SH3RF2: variants seen among roughly 807,000 people sequenced by gnomAD.
The protein encoded by SH3RF2 is E3 ubiquitin-protein ligase SH3RF2.
Under a neutral mutation model 59.0 loss-of-function variants are expected in SH3RF2, and 43 were observed. That is an observed-to-expected ratio of 0.73 (90% CI 0.57 to 0.94). The LOEUF is 0.94. Among genes scored for constraint, SH3RF2 ranks in the 40% least tolerant of loss-of-function variants. The pLI is 0.00. For missense variants in SH3RF2, 930 were observed against 940.1 expected, an observed-to-expected ratio of 0.99 and a Z score of 0.14; for synonymous variants, 391 against 391.5, an observed-to-expected ratio of 1.00 and a Z score of 0.01.
rs149337508 is a variant in SH3RF2 at position 146,060,071 on chromosome 5, G to C, written c.1761G>C (p.Arg587Ser). The stretch of plus-strand genomic sequence containing the variant: ...AGCCCGCCCTCACGTGCATCAGCAG[G>C]GGCAGTGAGGCCTGGATCCACTCCG... ...TGEPALTCIS[R>S]GSEAWIHSAA... Residue 587 changes from arginine to serine, a missense_variant, in exon 9 of 10, where the codon AGG becomes AGC. Physicochemically the swap from Arg to Ser is moderately radical, Grantham distance 110 (BLOSUM62 -1). Transcript: ENST00000359120. 131 of 1,613,808 alleles carry C rather than the reference G, an allele frequency of 8.1e-5. No individual in the cohort carries two copies. The African/African-American group carries it at 1.4e-3, about 17-fold the overall frequency.
intron 2 of SH3RF2, among the ~76,000 whole-genome samples, chr5:145,988,245 C>T (rs1759791957): frequency 6.6e-6 from 1 of 151,680 alleles, no homozygotes; most frequent in Admixed American, 6.6e-5. Flanking sequence ...TCTCCAGCCC[C>T]TCCAGAGGTC....
chr5:145,997,408 A>G, intron 2 of SH3RF2: 1 of 1,297,298 alleles, frequency 7.7e-7, no homozygotes, highest in Non-Finnish European at 1.1e-6. Flanking sequence ...GCTTCCATCT[A>G]CACTGCAACT....
At chr5:145,947,454 G>A (rs577307457) in intron 2 of SH3RF2, among the ~76,000 whole-genome samples, 2 of 152,300 alleles carry the variant, frequency 1.3e-5, no homozygotes, top group South Asian at 2.1e-4. Flanking sequence ...AGGATTTAAT[G>A]AGATGATGCC....
chr5:145,994,339 G>C (rs532100018), intron 2 of SH3RF2, among the ~76,000 whole-genome samples: 1 of 152,252 alleles, frequency 6.6e-6, no homozygotes, highest in South Asian at 2.1e-4. Flanking sequence ...CTGTTACCCA[G>C]TTCCAAAGCT....
rs147654773 is a variant in SH3RF2, at chr5:146,057,177, T to G, written c.1555+964T>G. ...TTGGTCAATACAGAAGAGTAACGTGTGGGACAATATGCCCCTTTTTAAGGA... is the reference window on the plus strand; with the variant it reads ...TTGGTCAATACAGAAGAGTAACGTGGGGGACAATATGCCCCTTTTTAAGGA... On this transcript the variant is annotated intron_variant, in intron 8 of 9. Transcript: ENST00000359120. Among the ~76,000 whole-genome samples, 217 of 152,348 alleles carry G rather than the reference T, an allele frequency of 1.4e-3. 1 individual carries two copies. Among genetic ancestry groups the G allele is most frequent in the African/African-American group, 4.9e-3 (202 of 41,580 alleles).
chr5:145,957,608 G>C (rs1758464724), intron 2 of SH3RF2, among the ~76,000 whole-genome samples: 2 of 152,086 alleles, frequency 1.3e-5, no homozygotes, highest in Non-Finnish European at 2.9e-5. Flanking sequence ...GGCTCAGAAA[G>C]ATTAACCTGC....
chr5:145,945,449 A>G (rs970290212), intron 2 of SH3RF2, among the ~76,000 whole-genome samples: 4 of 152,248 alleles, frequency 2.6e-5, no homozygotes, highest in Non-Finnish European at 4.4e-5. Flanking sequence ...CTTAGACTCA[A>G]GAAATGATGG....
At chr5:145,997,491 G>A in intron 2 of SH3RF2, 1 of 1,586,106 alleles carries the variant, frequency 6.3e-7, no homozygotes, top group South Asian at 1.1e-5. Flanking sequence ...AGTACAATTT[G>A]GGAAAGATGC....
chr5:146,017,426 A>T (rs918940720), intron 5 of SH3RF2, among the ~76,000 whole-genome samples: 3 of 152,130 alleles, frequency 2.0e-5, no homozygotes, highest in Non-Finnish European at 4.4e-5. Flanking sequence ...TTGGTTCAGG[A>T]TGTGGATCCT....
chr5:146,037,139 C>T (rs139621622), intron 5 of SH3RF2, among the ~76,000 whole-genome samples: 1 of 152,294 alleles, frequency 6.6e-6, no homozygotes, highest in Non-Finnish European at 1.5e-5. Flanking sequence ...TATTGGGTAC[C>T]TCATGTGAGC....
Position 145,938,295 on chromosome 5 carries a change from C to T in SH3RF2, c.367C>T (p.His123Tyr). 1 of 1,563,152 alleles carries T rather than the reference C, an allele frequency of 6.4e-7. No individual in the cohort carries two copies. The highest frequency in any genetic ancestry group is 8.6e-7 in the Non-Finnish European group (1 of 1,160,656). Residue 123 changes from histidine (H) to tyrosine (Y), a missense_variant, in exon 2 of 10, where the codon CAC (histidine) becomes TAC (tyrosine). By Grantham distance (83) the His-to-Tyr change is moderately conservative (BLOSUM62 2). Coordinates refer to ENST00000359120, the MANE Select transcript of SH3RF2 (RefSeq NM_152550.4). Reference protein sequence around the residue: ...PFRLVPNVRIHMDGVPRAKAL... With the variant: ...PFRLVPNVRIYMDGVPRAKAL... ...CCGGCTAGTGCCTAATGTCAGAATC[C>T]ACATGGATGGGGTAAGAGAGATCTT...
intron 5 of SH3RF2, among the ~76,000 whole-genome samples, chr5:146,026,870 G>A (rs549496222): frequency 7.6e-4 from 115 of 152,306 alleles, no homozygotes; most frequent in African/African-American, 2.7e-3. Flanking sequence ...AGATGGCTGC[G>A]AGGATAAAAC....
At chr5:146,073,522 T>C (rs1410378674) in intron 9 of SH3RF2, among the ~76,000 whole-genome samples, 4 of 152,216 alleles carry the variant, frequency 2.6e-5, no homozygotes, top group Non-Finnish European at 5.9e-5. Context: ...ATTCAGAAAA[T>C]GCTGATTAAA....
intron 4 of SH3RF2, among the ~76,000 whole-genome samples, chr5:146,007,866 T>C (rs1477436684): frequency 2.0e-5 from 3 of 152,200 alleles, no homozygotes; most frequent in African/African-American, 7.2e-5. Context: ...AAATTGTGCT[T>C]TTTAAAGCAG....
At position 146,075,373 on chromosome 5, in the gene SH3RF2, C is replaced by T. The variant is rs577323523; in HGVS notation, c.*34-3087C>T. Among the ~76,000 whole-genome samples the T allele has an allele frequency of 2.0e-5, 3 of 152,204 alleles. No homozygotes were observed. In the South Asian group the frequency reaches 6.2e-4, roughly 32 times the overall value. On this transcript the variant is annotated intron_variant, in intron 9 of 9. Transcript: ENST00000511217. ...CAGATAAAATAAATACTATTACTAC[C>T]CCCATGTTAATCGTAGAAACTAAGG...
intron 2 of SH3RF2, among the ~76,000 whole-genome samples, chr5:145,939,865 A>G (rs1757748193): frequency 1.3e-5 from 2 of 152,180 alleles, no homozygotes; most frequent in African/African-American, 4.8e-5. Context: ...GCGGAGTATC[A>G]TCACTTACTC....
intron 5 of SH3RF2, among the ~76,000 whole-genome samples, chr5:146,043,544 A>G (rs1447697771): frequency 1.3e-5 from 2 of 152,192 alleles, no homozygotes; most frequent in Non-Finnish European, 1.5e-5. Flanking sequence ...TTTGGTAAAC[A>G]TATACAGCAT....
rs1246067537 is a variant in SH3RF2, at chr5:146,024,758, C to A, written c.1059+10697C>A. On this transcript the variant is annotated intron_variant, in intron 5 of 9. Coordinates refer to ENST00000359120, the MANE Select transcript of SH3RF2 (RefSeq NM_152550.4). Reference sequence around the variant, plus strand: ...TGTGAGATAGGGATCCAGATGCATTCTTCTACCTGTAGATATGAAGTTGTT... The same window carrying A: ...TGTGAGATAGGGATCCAGATGCATTATTCTACCTGTAGATATGAAGTTGTT... Among the ~76,000 whole-genome samples, 5 of 152,288 alleles carry A rather than the reference C, an allele frequency of 3.3e-5. No individual in the cohort carries two copies. The East Asian group carries it at 7.7e-4, about 24-fold the overall frequency.
chr5:145,995,728 C>T (rs1760122863), intron 2 of SH3RF2, among the ~76,000 whole-genome samples: 1 of 152,140 alleles, frequency 6.6e-6, no homozygotes, highest in African/African-American at 2.4e-5. Context: ...GAGATAACCA[C>T]TTCTAAAATA....
Sources: gnomAD v4.1 joint callset for allele counts (sites outside exome capture counted in the v4.1 genomes callset) on GRCh38, gnomAD v4.1.1 for gene constraint, MANE v1.5 for transcripts, NCBI Gene and HGNC (gene_info 2026-07-23, HGNC 2026-07-21) for gene names.